The following GFRA2 variants were observed in gnomAD, a reference collection of about 807,000 sequenced individuals.
GFRA2 encodes the protein GDNF family receptor alpha-2.
In GFRA2, 17 loss-of-function variants were observed where a neutral mutation model predicts 48.3. The observed-to-expected ratio is 0.35, with a 90% confidence interval of 0.24 to 0.53. GFRA2 has a LOEUF of 0.53. Among genes scored for constraint, GFRA2 ranks in the 20% least tolerant of loss-of-function variants. The pLI, the probability that GFRA2 is intolerant of heterozygous loss-of-function variation, is 0.93. For missense variants in GFRA2, 660 were observed against 637.3 expected (o/e 1.04, Z -0.38); for synonymous variants, 305 against 257.2 (o/e 1.19, Z -1.78).
At chr8:21,794,954 C>T (rs1047684023) in intron 2 of GFRA2, among the ~76,000 whole-genome samples, 221 of 152,346 alleles carry the variant, frequency 1.5e-3, no homozygotes, top group African/African-American at 4.9e-3. Flanking sequence ...TAATTGATTT[C>T]AGTCAATGTT....
chr8:21,782,567 A>G lies in GFRA2; in HGVS notation c.355+18T>C. 4 of 1,545,174 alleles carry G rather than the reference A, an allele frequency of 2.6e-6. No individual in the cohort carries two copies. The highest frequency in any genetic ancestry group is 3.5e-6 in the Non-Finnish European group (4 of 1,141,434). On this transcript the variant is annotated intron_variant, in intron 2 of 8. Coordinates refer to ENST00000524240, the MANE Select transcript of GFRA2 (RefSeq NM_001495.5). Reference sequence around the variant, plus strand: ...GCGCCACACCCCCTCCCCTTGGGCAAGCCCCGCCCAGGCTTACCCTCGGTC... The same window carrying G: ...GCGCCACACCCCCTCCCCTTGGGCAGGCCCCGCCCAGGCTTACCCTCGGTC...
rs542910215 is a variant in GFRA2, at chr8:21,692,658, G to C, written c.*620C>G. 1.4e-4 allele frequency: 22 copies of C among 152,344 alleles called. No homozygotes were observed. Among genetic ancestry groups the C allele is most frequent in the African/African-American group, 5.1e-4 (21 of 41,548 alleles). 9.4% of individuals were successfully genotyped at this position (152,344 alleles called of 1,614,324 possible). ...CAACACTCCGTGCTACAGTCAGGGG[G>C]AGCCCAGCACGGTGCGAACCCCCTC... is the stretch of plus-strand genomic sequence containing the variant. On this transcript the variant is annotated 3_prime_UTR_variant, in exon 9 of 9. Coordinates refer to ENST00000524240, the MANE Select transcript of GFRA2 (RefSeq NM_001495.5).
At chr8:21,735,020 G>A (rs967922870) in intron 4 of GFRA2, among the ~76,000 whole-genome samples, 11 of 152,044 alleles carry the variant, frequency 7.2e-5, no homozygotes, top group African/African-American at 2.4e-4. Context: ...AAGTTGTCCC[G>A]CCTTCTGGAC....
intron 4 of GFRA2, among the ~76,000 whole-genome samples, chr8:21,746,843 A>C (rs1302551557): frequency 6.6e-6 from 1 of 152,084 alleles, no homozygotes; most frequent in African/African-American, 2.4e-5. Context: ...CTAGTTCTTT[A>C]AACTGACACA....
chr8:21,708,675 C>T (rs1802868294), intron 4 of GFRA2, among the ~76,000 whole-genome samples: 2 of 152,234 alleles, frequency 1.3e-5, no homozygotes, highest in South Asian at 4.2e-4. Flanking sequence ...GAGATAGGCA[C>T]ACAGGAAGAA....
chr8:21,731,013 C>A (rs139856359), intron 4 of GFRA2, among the ~76,000 whole-genome samples: 1 of 152,104 alleles, frequency 6.6e-6, no homozygotes, highest in African/African-American at 2.4e-5. Flanking sequence ...CCTTCCCTTC[C>A]TCGTGTTGCG....
At chr8:21,793,282 T>C (rs2117104028), upstream of GFRA2, among the ~76,000 whole-genome samples, 1 of 152,286 alleles carries the variant, frequency 6.6e-6, no homozygotes, top group South Asian at 2.1e-4. Context: ...ATTGATCTGA[T>C]GACTGTGTGA....
intron 2 of GFRA2, among the ~76,000 whole-genome samples, chr8:21,776,543 C>T (rs1806716993): frequency 6.6e-6 from 1 of 150,924 alleles, no homozygotes; most frequent in Non-Finnish European, 1.5e-5. Context: ...TCTTGGCTCA[C>T]TGCTGCAACC....
chr8:21,810,377 G>T (rs1384200901), intron 1 of GFRA2, among the ~76,000 whole-genome samples: 1 of 152,140 alleles, frequency 6.6e-6, no homozygotes, highest in East Asian at 1.9e-4. Flanking sequence ...CACTGACCTG[G>T]AGCCATAGCC....
intron 7 of GFRA2, among the ~76,000 whole-genome samples, chr8:21,700,732 C>A (rs1306366840): frequency 1.3e-5 from 2 of 152,106 alleles, no homozygotes; most frequent in African/African-American, 4.8e-5. Flanking sequence ...AGCCTTCCCC[C>A]AAGGAAGAAG....
chr8:21,727,050 C>T (rs1029716798), intron 4 of GFRA2, among the ~76,000 whole-genome samples: 7 of 152,112 alleles, frequency 4.6e-5, no homozygotes, highest in Non-Finnish European at 5.9e-5. Flanking sequence ...GTGCCCAGCC[C>T]TAAATTCCCT....
intron 3 of GFRA2, among the ~76,000 whole-genome samples, chr8:21,754,519 T>C (rs1205075326): frequency 6.6e-6 from 1 of 150,492 alleles, no homozygotes; most frequent in Non-Finnish European, 1.5e-5. Flanking sequence ...TTTTTTTTTT[T>C]TTTTTTGAGT....
At chr8:21,730,647 C>T (rs992471572) in intron 4 of GFRA2, among the ~76,000 whole-genome samples, 9 of 152,148 alleles carry the variant, frequency 5.9e-5, no homozygotes, top group African/African-American at 1.9e-4. Flanking sequence ...CAAACGCACA[C>T]AGGTACTACA....
intron 4 of GFRA2, among the ~76,000 whole-genome samples, chr8:21,745,442 G>C (rs1804958055): frequency 6.6e-6 from 1 of 152,242 alleles, no homozygotes; most frequent in African/African-American, 2.4e-5. Context: ...GCCCAGAGAG[G>C]CTTTCCCAGG....
intron 3 of GFRA2, among the ~76,000 whole-genome samples, chr8:21,759,757 C>T (rs1165226711): frequency 6.6e-6 from 1 of 151,702 alleles, no homozygotes; most frequent in Non-Finnish European, 1.5e-5. Flanking sequence ...AGTGTGGTGG[C>T]ATGTGCCTGT....
At chr8:21,803,489 C>A (rs1807807013) in intron 2 of GFRA2, among the ~76,000 whole-genome samples, 1 of 152,104 alleles carries the variant, frequency 6.6e-6, no homozygotes, top group African/African-American at 2.4e-5. Context: ...CCCTCAGAGC[C>A]AAGCAATTCC....
intron 4 of GFRA2, among the ~76,000 whole-genome samples, chr8:21,744,909 T>C (rs1804930850): frequency 6.6e-6 from 1 of 152,140 alleles, no homozygotes; most frequent in Non-Finnish European, 1.5e-5. Context: ...GAACTGTCAG[T>C]AGAGCCCAAA....
intron 3 of GFRA2, among the ~76,000 whole-genome samples, chr8:21,774,001 C>T (rs1806564275): frequency 6.6e-6 from 1 of 152,194 alleles, no homozygotes; most frequent in African/African-American, 2.4e-5. Context: ...GAAAACCCCG[C>T]TTTAGAGCCA....
At chr8:21,736,938 G>T in intron 4 of GFRA2, among the ~76,000 whole-genome samples, 1 of 141,954 alleles carries the variant, frequency 7.0e-6, no homozygotes, top group Admixed American at 7.0e-5. Context: ...GAGGAGAGGG[G>T]AGGGGAGGGG....
Sources: allele counts gnomAD v4.1 joint callset (sites outside exome capture counted in the v4.1 genomes callset), GRCh38; gene constraint gnomAD v4.1.1; transcripts MANE v1.5; gene names NCBI Gene and HGNC (gene_info 2026-07-23, HGNC 2026-07-21).